The following GRM7 variants were observed in gnomAD, a reference collection of about 807,000 sequenced individuals.
GRM7 encodes the protein metabotropic glutamate receptor 7.
Under a neutral mutation model 84.5 loss-of-function variants are expected in GRM7, and 35 were observed. The observed-to-expected ratio is 0.41, with a 90% CI of 0.32 to 0.55. The LOEUF is 0.55. Ranked by LOEUF, GRM7 falls within the 20% of genes least tolerant of loss-of-function variation. The pLI, the probability that GRM7 is intolerant of heterozygous loss-of-function variation, is 0.19. For missense variants in GRM7, 1,003 were observed against 1,194.6 expected (o/e 0.84, Z 2.36); for synonymous variants, 487 against 455.1 (o/e 1.07, Z -0.89).
intron 7 of GRM7, among the ~76,000 whole-genome samples, chr3:7,471,647 AT>A (rs1698706773): frequency 6.6e-6 from 1 of 152,184 alleles, no homozygotes; most frequent in African/African-American, 2.4e-5. Context: ...GTCCACCTAG[AT>A]AATTCAAGAT....
chr3:7,627,702 T>C (rs1697678769), intron 8 of GRM7, among the ~76,000 whole-genome samples: 1 of 152,122 alleles, frequency 6.6e-6, no homozygotes, highest in Non-Finnish European at 1.5e-5. Flanking sequence ...TTGCTCACAG[T>C]TCTGGAAGCT....
chr3:7,530,417 T>C (rs2125003575), intron 7 of GRM7, among the ~76,000 whole-genome samples: 1 of 152,302 alleles, frequency 6.6e-6, no homozygotes, highest in African/African-American at 2.4e-5. Flanking sequence ...TGTGCATGTG[T>C]CTTTATAGTA....
At chr3:6,947,798 G>C (rs1283014503) in intron 1 of GRM7, among the ~76,000 whole-genome samples, 1 of 152,046 alleles carries the variant, frequency 6.6e-6, no homozygotes, top group East Asian at 1.9e-4. Flanking sequence ...TGTATGTGTC[G>C]AGGAATTTAT....
At chr3:7,524,243 CA>C (rs1046643385) in intron 7 of GRM7, among the ~76,000 whole-genome samples, 1 of 150,216 alleles carries the variant, frequency 6.7e-6, no homozygotes, top group African/African-American at 2.5e-5. Flanking sequence ...GCAATGGCAA[CA>C]AAAGCCAAAA....
intron 1 of GRM7, among the ~76,000 whole-genome samples, chr3:7,073,491 A>C (rs1454465615): frequency 6.6e-6 from 1 of 152,112 alleles, no homozygotes; most frequent in Non-Finnish European, 1.5e-5. Flanking sequence ...TATTTGAAGG[A>C]AAAAAATATC....
chr3:7,527,731 C>A (rs1293785884), intron 7 of GRM7, among the ~76,000 whole-genome samples: 1 of 151,940 alleles, frequency 6.6e-6, no homozygotes, highest in African/African-American at 2.4e-5. Flanking sequence ...GAGCTTTTAT[C>A]ATGAAAAGAT....
At chr3:7,691,040 T>G (rs1374589919) in intron 9 of GRM7, 1 of 1,270 alleles carries the variant, frequency 7.9e-4, no homozygotes. Context: ...ACTTTGCAGA[T>G]TTTTTTTTTT....
intron 1 of GRM7, among the ~76,000 whole-genome samples, chr3:7,100,542 T>C (rs543086535): frequency 7.8e-4 from 119 of 151,976 alleles, no homozygotes; most frequent in African/African-American, 2.7e-3. Context: ...TTAATGAGTG[T>C]ACTGTGGAAT....
intron 1 of GRM7, among the ~76,000 whole-genome samples, chr3:6,946,824 G>A (rs1698099111): frequency 1.3e-5 from 2 of 152,094 alleles, no homozygotes; most frequent in South Asian, 4.1e-4. Flanking sequence ...ATTGTGAATG[G>A]GAGTTCACTC....
At chr3:7,236,277 C>T (rs1697345455) in intron 2 of GRM7, among the ~76,000 whole-genome samples, 1 of 152,192 alleles carries the variant, frequency 6.6e-6, no homozygotes, top group African/African-American at 2.4e-5. Context: ...TAACATTTGC[C>T]TGGTGCCTAA....
rs79080697 is a variant in GRM7, at chr3:7,206,149, T to C, written c.736+59481T>C. Reference sequence around the variant, plus strand: ...AGTCTTTTTGCTTTCATTTTCTCTTTCTCTTTTTCACTGCCTGCTTCTGGC... The same window carrying C: ...AGTCTTTTTGCTTTCATTTTCTCTTCCTCTTTTTCACTGCCTGCTTCTGGC... On this transcript the variant is annotated intron_variant, in intron 2 of 9. Coordinates refer to ENST00000357716, the MANE Select transcript of GRM7 (RefSeq NM_000844.4). Among the ~76,000 whole-genome samples the C allele has an allele frequency of 3.0e-3, 464 of 152,282 alleles. 5 individuals are homozygous for C. Among genetic ancestry groups the C allele is most frequent in the African/African-American group, 0.011 (442 of 41,554 alleles).
intron 8 of GRM7, among the ~76,000 whole-genome samples, chr3:7,595,215 A>G (rs1257447416): frequency 6.6e-6 from 1 of 152,222 alleles, no homozygotes; most frequent in Non-Finnish European, 1.5e-5. Context: ...GGATAATGAT[A>G]TGTGCTCTGA....
chr3:7,113,963 C>T (rs1001590199), intron 1 of GRM7, among the ~76,000 whole-genome samples: 7 of 152,082 alleles, frequency 4.6e-5, no homozygotes, highest in Admixed American at 6.6e-5. Context: ...AAAGATGACA[C>T]GGGACTTCAA....
intron 1 of GRM7, among the ~76,000 whole-genome samples, chr3:7,033,271 A>T (rs1444615188): frequency 6.6e-6 from 1 of 152,138 alleles, no homozygotes; most frequent in Non-Finnish European, 1.5e-5. Flanking sequence ...ATAACGGATT[A>T]TATCTGCAAA....
intron 8 of GRM7, among the ~76,000 whole-genome samples, chr3:7,663,806 T>C (rs1389917593): frequency 6.6e-6 from 1 of 152,174 alleles, no homozygotes; most frequent in Non-Finnish European, 1.5e-5. Flanking sequence ...CATTGGCACA[T>C]AAGGATTTAT....
At chr3:7,077,310 C>T (rs6767094) in intron 1 of GRM7, among the ~76,000 whole-genome samples, 11,628 of 152,138 alleles carry the variant, frequency 0.076, 565 homozygotes, top group African/African-American at 0.14. Context: ...ATAGCAAAGG[C>T]TTGGAACCAG....
At chr3:7,397,062 T>A (rs1031268501) in intron 4 of GRM7, among the ~76,000 whole-genome samples, 1 of 152,138 alleles carries the variant, frequency 6.6e-6, no homozygotes, top group African/African-American at 2.4e-5. Context: ...TTGTTTGATT[T>A]CAGATTGAAA....
chr3:7,105,593 C>T lies in GRM7; in HGVS notation c.520-40859C>T, dbSNP rs115296798. Among the ~76,000 whole-genome samples, 751 of 151,936 alleles carry T rather than the reference C, an allele frequency of 4.9e-3. 8 individuals are homozygous for T. Among genetic ancestry groups the T allele is most frequent in the African/African-American group, 0.017 (721 of 41,494 alleles). On this transcript the variant is annotated intron_variant, in intron 1 of 9. Transcript: ENST00000357716. Reference sequence around the variant, plus strand: ...ATTGTATAAACTATTCCCTTTCTTACTTATTTAAGAATTGTTGTGGGATGT... The same window carrying T: ...ATTGTATAAACTATTCCCTTTCTTATTTATTTAAGAATTGTTGTGGGATGT...
intron 8 of GRM7, among the ~76,000 whole-genome samples, chr3:7,613,072 GT>G (rs1180699837): frequency 6.6e-6 from 1 of 151,546 alleles, no homozygotes; most frequent in Non-Finnish European, 1.5e-5. Flanking sequence ...TGTAAAGACA[GT>G]AAAAACTATC....
Sources: allele counts gnomAD v4.1 joint callset (sites outside exome capture counted in the v4.1 genomes callset), GRCh38; gene constraint gnomAD v4.1.1; transcripts MANE v1.5; gene names NCBI Gene and HGNC (gene_info 2026-07-23, HGNC 2026-07-21).